Variants in NCKAP5 observed in about 807,000 individuals in gnomAD.
NCKAP5 encodes NCK associated protein 5.
NCKAP5 carries 92 observed loss-of-function variants against 167.0 expected under a neutral mutation model. The observed-to-expected ratio is 0.55, with a 90% CI of 0.47 to 0.66. The LOEUF (loss-of-function observed/expected upper bound fraction) is 0.66. Among genes scored for constraint, NCKAP5 ranks in the 30% least tolerant of loss-of-function variants. NCKAP5 has a pLI of 0.00. For synonymous variants in NCKAP5, 891 were observed against 877.4 expected, an observed-to-expected ratio of 1.02 and a Z score of -0.27; for missense variants, 2,378 against 2,315.0, an observed-to-expected ratio of 1.03 and a Z score of -0.56.
intron 8 of NCKAP5, among the ~76,000 whole-genome samples, chr2:132,944,530 A>G (rs1464591131): frequency 6.6e-6 from 1 of 152,184 alleles, no homozygotes; most frequent in African/African-American, 2.4e-5. Context: ...TAACTTGTCC[A>G]AGGCCACATA....
Position 132,858,745 on chromosome 2 carries a change from T to C in NCKAP5, c.807+1747A>G, listed in dbSNP as rs186322729. Among the ~76,000 whole-genome samples the C allele has an allele frequency of 3.1e-3, 472 of 152,298 alleles. 2 individuals are homozygous for C. Among genetic ancestry groups the C allele is most frequent in the African/African-American group, 0.011 (460 of 41,572 alleles). ...AAGTGTGTTGGCTGAAAACACCTAA[T>C]GAATAAACACTGATGTCTATTGTTA... On this transcript the variant is annotated intron_variant, in intron 11 of 19. Coordinates refer to ENST00000409261, the MANE Select transcript of NCKAP5 (RefSeq NM_207363.3).
chr2:133,084,326 A>G (rs1347731931), intron 6 of NCKAP5, among the ~76,000 whole-genome samples: 1 of 152,214 alleles, frequency 6.6e-6, no homozygotes, highest in East Asian at 1.9e-4. Context: ...ATGACATCAT[A>G]GAAGTATTCA....
At chr2:132,776,329 C>T (rs1205241845) in intron 15 of NCKAP5, among the ~76,000 whole-genome samples, 3 of 152,122 alleles carry the variant, frequency 2.0e-5, no homozygotes, top group African/African-American at 7.2e-5. Context: ...TGTTCCGTGC[C>T]CCTTCTCCAC....
intron 5 of NCKAP5, among the ~76,000 whole-genome samples, chr2:133,158,138 T>C (rs956872707): frequency 6.6e-6 from 1 of 152,234 alleles, no homozygotes; most frequent in Admixed American, 6.5e-5. Flanking sequence ...ATTTAAAATA[T>C]GCTGTCCTTC....
At chr2:132,818,691 G>T in intron 11 of NCKAP5, among the ~76,000 whole-genome samples, 1 of 152,038 alleles carries the variant, frequency 6.6e-6, no homozygotes, top group Non-Finnish European at 1.5e-5. Flanking sequence ...TAGAATTCAA[G>T]ATATTTATAA....
At chr2:133,499,396 A>G (rs1682271917) in intron 3 of NCKAP5, among the ~76,000 whole-genome samples, 1 of 152,226 alleles carries the variant, frequency 6.6e-6, no homozygotes, top group Admixed American at 6.5e-5. Context: ...AAATGCACAA[A>G]CTAGATGGAA....
At chr2:132,676,792 A>G (rs1230234549) in intron 19 of NCKAP5, among the ~76,000 whole-genome samples, 1 of 152,180 alleles carries the variant, frequency 6.6e-6, no homozygotes, top group African/African-American at 2.4e-5. Flanking sequence ...CATAGATTAT[A>G]TGTTTCCATC....
At chr2:132,720,963 A>G (rs1425483740) in intron 19 of NCKAP5, among the ~76,000 whole-genome samples, 1 of 150,988 alleles carries the variant, frequency 6.6e-6, no homozygotes, top group African/African-American at 2.4e-5. Context: ...GTGAGCCAAG[A>G]TCGTGCCACT....
intron 6 of NCKAP5, among the ~76,000 whole-genome samples, chr2:133,052,752 AC>A (rs1286309509): frequency 6.6e-6 from 1 of 152,058 alleles, no homozygotes; most frequent in African/African-American, 2.4e-5. Context: ...GATGTAAAAA[AC>A]AAGTATATTT....
chr2:133,532,047 T>C lies in NCKAP5; in HGVS notation c.-61-14460A>G, dbSNP rs541442777. Among the ~76,000 whole-genome samples, 5 of 152,340 alleles carry C rather than the reference T, an allele frequency of 3.3e-5. No individual in the cohort carries two copies. The South Asian group carries it at 1.0e-3, about 32-fold the overall frequency. On this transcript the variant is annotated intron_variant, in intron 2 of 19. Transcript: ENST00000409261. ...CTGTGTATGCATAAACCTAGAACGA[T>C]ATACAGCACTGTTTTATGTGTGTTT...
intron 11 of NCKAP5, among the ~76,000 whole-genome samples, chr2:132,846,050 T>G (rs954565033): frequency 6.6e-6 from 1 of 152,164 alleles, no homozygotes; most frequent in Non-Finnish European, 1.5e-5. Flanking sequence ...GAATGAAATC[T>G]TTTCTCAATT....
At chr2:133,068,902 A>C (rs572613842) in intron 6 of NCKAP5, among the ~76,000 whole-genome samples, 20 of 152,360 alleles carry the variant, frequency 1.3e-4, no homozygotes, top group African/African-American at 4.3e-4. Context: ...AATCAAGCTA[A>C]AGAGCCAGTT....
intron 8 of NCKAP5, among the ~76,000 whole-genome samples, chr2:132,926,385 CCCAG>C (rs1695891677): frequency 6.6e-6 from 1 of 152,088 alleles, no homozygotes. Flanking sequence ...AAGGTAGATA[CCCAG>C]TAGTGGAATT....
chr2:133,214,310 T>C (rs2086338463), intron 4 of NCKAP5, among the ~76,000 whole-genome samples: 1 of 152,172 alleles, frequency 6.6e-6, no homozygotes, highest in African/African-American at 2.4e-5. Flanking sequence ...GTGATTTCAT[T>C]ATGCCCATTT....
intron 8 of NCKAP5, among the ~76,000 whole-genome samples, chr2:132,957,296 T>G (rs1171251588): frequency 6.6e-6 from 1 of 152,218 alleles, no homozygotes; most frequent in Non-Finnish European, 1.5e-5. Context: ...TCCTTCTCAC[T>G]TTTTTCCTTG....
intron 6 of NCKAP5, among the ~76,000 whole-genome samples, chr2:132,995,094 T>A (rs868570403): frequency 2.4e-4 from 37 of 152,224 alleles, no homozygotes; most frequent in African/African-American, 8.4e-4. Context: ...AGTGAGTGAA[T>A]GTGAAGGCCA....
chr2:133,093,022 C>T (rs1048055436), intron 6 of NCKAP5, among the ~76,000 whole-genome samples: 1 of 152,172 alleles, frequency 6.6e-6, no homozygotes, highest in Non-Finnish European at 1.5e-5. Context: ...GAGCTCTGTG[C>T]CTTACCTTCC....
At chr2:133,590,354 G>A in the NCKAP5 span, among the ~76,000 whole-genome samples, 5 of 21,000 alleles carry the variant, frequency 2.4e-4, no homozygotes, top group South Asian at 3.3e-3. Context: ...GTGAAACCCC[G>A]TCTCTACTAA....
At chr2:133,583,894 C>T in the NCKAP5 span, among the ~76,000 whole-genome samples, 1 of 152,144 alleles carries the variant, frequency 6.6e-6, no homozygotes, top group African/African-American at 2.4e-5. Context: ...GCTGGGACTA[C>T]AGGCACCCAC....
Sources: gnomAD v4.1 joint callset for allele counts (sites outside exome capture counted in the v4.1 genomes callset) on GRCh38, gnomAD v4.1.1 for gene constraint, MANE v1.5 for transcripts, NCBI Gene and HGNC (gene_info 2026-07-23, HGNC 2026-07-21) for gene names.